Variants in MMP16 observed in about 807,000 individuals in gnomAD.
MMP16 encodes matrix metalloproteinase-16.
Under a neutral mutation model 67.8 loss-of-function variants are expected in MMP16, and 12 were observed. That is an observed-to-expected ratio of 0.18 (90% CI 0.11 to 0.29). The LOEUF is 0.29. Ranked by LOEUF, MMP16 falls within the 10% of genes least tolerant of loss-of-function variation. The pLI, the probability that MMP16 is intolerant of heterozygous loss-of-function variation, is 1.00. For synonymous variants in MMP16, 249 were observed against 255.9 expected (o/e 0.97, Z 0.26); for missense variants, 475 against 765.7 (o/e 0.62, Z 4.48).
At chr8:88,180,261 A>G (rs1210159285) in intron 3 of MMP16, among the ~76,000 whole-genome samples, 1 of 152,004 alleles carries the variant, frequency 6.6e-6, no homozygotes, top group African/African-American at 2.4e-5. Context: ...AGCCTGGGCA[A>G]CAAGAGTGAA....
intron 1 of MMP16, among the ~76,000 whole-genome samples, chr8:88,304,703 C>T (rs545098761): frequency 1.3e-5 from 2 of 152,310 alleles, no homozygotes; most frequent in South Asian, 4.1e-4. Context: ...AACTAAGCTT[C>T]ATAAGCAAAG....
chr8:88,085,776 GAT>G (rs1373930696), intron 6 of MMP16, among the ~76,000 whole-genome samples: 1 of 151,942 alleles, frequency 6.6e-6, no homozygotes, highest in East Asian at 1.9e-4. Context: ...GATATATTCA[GAT>G]TACTTTGTTT....
intron 1 of MMP16, among the ~76,000 whole-genome samples, chr8:88,216,594 T>A (rs940337087): frequency 6.6e-6 from 1 of 152,160 alleles, no homozygotes; most frequent in Non-Finnish European, 1.5e-5. Flanking sequence ...AGTGCCTCTG[T>A]CTTTCCTTGA....
Position 88,259,418 on chromosome 8 carries a change from G to T in MMP16, c.133-62112C>A, listed in dbSNP as rs1810353205. Reference sequence around the variant, plus strand: ...GGGTGCACTGTGTGTGTTATTTAAGGCATTTATGTAACTACACAACCCTAC... The same window carrying T: ...GGGTGCACTGTGTGTGTTATTTAAGTCATTTATGTAACTACACAACCCTAC... On this transcript the variant is annotated intron_variant, in intron 1 of 9. Transcript: ENST00000286614. 2.0e-5 allele frequency among the ~76,000 whole-genome samples: 3 copies of T among 152,022 alleles called. No homozygotes were observed. In the South Asian group the frequency reaches 6.2e-4, roughly 31 times the overall value.
chr8:88,064,545 T>C (rs973158852), intron 7 of MMP16, among the ~76,000 whole-genome samples: 3 of 152,052 alleles, frequency 2.0e-5, no homozygotes, highest in African/African-American at 7.2e-5. Context: ...GCTAACTTAA[T>C]GCTCGCTTGG....
chr8:88,197,253 C>A lies in MMP16; in HGVS notation c.186G>T (p.Val62=). The part of the protein sequence containing the change: ...YLPPTDPRMS[V]LRSAETMQSA... ...ACTGCATGGTCTCTGCAGAGCGCAG[C>A]ACTGACATTCTGGGGTCAGTCGGTG... Residue 62 remains valine (V), a synonymous_variant, in exon 2 of 10, where the codon GTG becomes GTT. Coordinates refer to ENST00000286614, the MANE Select transcript of MMP16 (RefSeq NM_005941.5). 1 of 1,602,828 alleles carries A rather than the reference C, an allele frequency of 6.2e-7. No individual in the cohort carries two copies. The highest frequency in any genetic ancestry group is 1.1e-5 in the South Asian group (1 of 89,280).
intron 1 of MMP16, among the ~76,000 whole-genome samples, chr8:88,254,894 C>G (rs1458679560): frequency 6.6e-6 from 1 of 152,086 alleles, no homozygotes; most frequent in Non-Finnish European, 1.5e-5. Flanking sequence ...GACAAATGTG[C>G]TACATCACTA....
intron 7 of MMP16, among the ~76,000 whole-genome samples, chr8:88,068,855 C>A (rs1023442345): frequency 6.6e-6 from 1 of 152,038 alleles, no homozygotes; most frequent in Non-Finnish European, 1.5e-5. Context: ...AAGCCTGCCA[C>A]CAAGCCTGGC....
intron 1 of MMP16, among the ~76,000 whole-genome samples, chr8:88,315,428 A>G (rs1811362218): frequency 6.6e-6 from 1 of 152,200 alleles, no homozygotes. Context: ...TTTCTGAAGA[A>G]CATATTGTGA....
chr8:88,200,674 C>A (rs1345971729), intron 1 of MMP16, among the ~76,000 whole-genome samples: 1 of 151,838 alleles, frequency 6.6e-6, no homozygotes, highest in African/African-American at 2.4e-5. Context: ...TAAGGACAGG[C>A]AAACAAAATT....
intron 4 of MMP16, among the ~76,000 whole-genome samples, chr8:88,140,082 T>C (rs1808186387): frequency 6.6e-6 from 1 of 152,128 alleles, no homozygotes; most frequent in Non-Finnish European, 1.5e-5. Context: ...TCTAGAGAAA[T>C]TGCAATTTGA....
chr8:88,054,441 C>T (rs1212288857), intron 8 of MMP16, among the ~76,000 whole-genome samples: 1 of 152,128 alleles, frequency 6.6e-6, no homozygotes, highest in Non-Finnish European at 1.5e-5. Context: ...TCATTAGTGG[C>T]CACTATGCAG....
At chr8:88,171,372 G>C (rs1008640220) in intron 3 of MMP16, among the ~76,000 whole-genome samples, 3 of 152,198 alleles carry the variant, frequency 2.0e-5, no homozygotes, top group African/African-American at 7.2e-5. Flanking sequence ...AAAAGGTTAT[G>C]GATGCTGATG....
At chr8:88,189,952 A>T (rs1287130657) in intron 2 of MMP16, among the ~76,000 whole-genome samples, 1 of 152,188 alleles carries the variant, frequency 6.6e-6, no homozygotes, top group Admixed American at 6.5e-5. Flanking sequence ...CATGAAGCAA[A>T]TGAACTAAGT....
chr8:88,048,165 G>A (rs1478920473), intron 8 of MMP16, among the ~76,000 whole-genome samples: 1 of 152,192 alleles, frequency 6.6e-6, no homozygotes, highest in African/African-American at 2.4e-5. Context: ...AGACTTCAAA[G>A]TGGACCTGTT....
chr8:88,243,803 CAA>C (rs1451087283), intron 1 of MMP16, among the ~76,000 whole-genome samples: 1 of 152,018 alleles, frequency 6.6e-6, no homozygotes, highest in East Asian at 1.9e-4. Flanking sequence ...GGCAACTGCT[CAA>C]AAGAGATGAG....
At chr8:88,170,734 G>C (rs933484030) in intron 3 of MMP16, among the ~76,000 whole-genome samples, 1 of 152,188 alleles carries the variant, frequency 6.6e-6, no homozygotes, top group South Asian at 2.1e-4. Flanking sequence ...AAGATGCCTA[G>C]CACTGAGTTT....
chr8:88,163,170 G>T (rs1365798679), intron 4 of MMP16, among the ~76,000 whole-genome samples: 3 of 152,042 alleles, frequency 2.0e-5, no homozygotes, highest in Non-Finnish European at 4.4e-5. Flanking sequence ...GCACCAAATG[G>T]ACATGTCAGT....
intron 6 of MMP16, among the ~76,000 whole-genome samples, chr8:88,098,928 A>C (rs1281588007): frequency 6.6e-6 from 1 of 151,870 alleles, no homozygotes; most frequent in East Asian, 1.9e-4. Flanking sequence ...ATACATATGT[A>C]GATTTTTTTA....
Sources: allele counts gnomAD v4.1 joint callset (sites outside exome capture counted in the v4.1 genomes callset), GRCh38; gene constraint gnomAD v4.1.1; transcripts MANE v1.5; gene names NCBI Gene and HGNC (gene_info 2026-07-23, HGNC 2026-07-21).